Variants in SDK1 observed in about 807,000 individuals in gnomAD.
SDK1 encodes protein sidekick-1.
SDK1 carries 157 observed loss-of-function variants against 245.5 expected under a neutral mutation model. That is an observed-to-expected ratio of 0.64 (90% confidence interval 0.56 to 0.73). The LOEUF is 0.73. Among genes scored for constraint, SDK1 ranks in the 30% least tolerant of loss-of-function variants. The pLI is 0.00. For missense variants in SDK1, 3,583 were observed against 3,002.3 expected (o/e 1.19, Z -4.52); for synonymous variants, 1,647 against 1,278.5 (o/e 1.29, Z -6.15).
intron 43 of SDK1, among the ~76,000 whole-genome samples, chr7:4,242,883 C>T (rs1273518242): frequency 1.3e-5 from 2 of 152,186 alleles, no homozygotes; most frequent in African/African-American, 2.4e-5. Flanking sequence ...CGGGTGGCGC[C>T]GAGGCACGGG....
intron 2 of SDK1, among the ~76,000 whole-genome samples, chr7:3,624,595 A>G (rs563752986): frequency 1.3e-5 from 2 of 152,352 alleles, no homozygotes; most frequent in South Asian, 2.1e-4. Flanking sequence ...GAAGAATACC[A>G]ACAAATTTTC....
intron 11 of SDK1, 41 bp from the exon 12 acceptor site, chr7:3,971,425 A>G: frequency 7.0e-7 from 1 of 1,432,818 alleles, no homozygotes. Context: ...AAACTGTCAA[A>G]CTTGTCATTT....
intron 1 of SDK1, among the ~76,000 whole-genome samples, chr7:3,340,951 C>G (rs989225695): frequency 6.6e-6 from 1 of 152,114 alleles, no homozygotes; most frequent in African/African-American, 2.4e-5. Flanking sequence ...ATTAACACCA[C>G]TTTTATTCAG....
rs551250688 is a variant in SDK1, at chr7:3,924,684, C to T, written c.848-26239C>T. On this transcript the variant is annotated intron_variant, in intron 5 of 44. Transcript: ENST00000404826. ...ACCTGCAGTCCGTCCGTAGCTTTCCCACAACCCATCCCTCAGAGAGTTCTG... is the reference window on the plus strand; with the variant it reads ...ACCTGCAGTCCGTCCGTAGCTTTCCTACAACCCATCCCTCAGAGAGTTCTG... Among the ~76,000 whole-genome samples, 494 of 152,328 alleles carry T rather than the reference C, an allele frequency of 3.2e-3. 1 individual carries two copies. Among genetic ancestry groups the T allele is most frequent in the Non-Finnish European group, 5.3e-3 (361 of 68,028 alleles).
At chr7:3,349,746 C>A (rs980621150) in intron 1 of SDK1, among the ~76,000 whole-genome samples, 1 of 149,570 alleles carries the variant, frequency 6.7e-6, no homozygotes, top group African/African-American at 2.5e-5. Flanking sequence ...CCTACAGGCA[C>A]CTGCCACCAC....
intron 1 of SDK1, among the ~76,000 whole-genome samples, chr7:3,334,300 T>C (rs1260874043): frequency 1.3e-5 from 2 of 152,228 alleles, no homozygotes; most frequent in Non-Finnish European, 2.9e-5. Context: ...ACTTGTTTGC[T>C]GATGAAAGCA....
chr7:3,969,591 C>T (rs899644753), intron 11 of SDK1, among the ~76,000 whole-genome samples, 167 bp downstream of exon 11: 1 of 152,112 alleles, frequency 6.6e-6, no homozygotes, highest in South Asian at 2.1e-4. Flanking sequence ...ATTAAATTTT[C>T]AATGTCTAAA....
intron 1 of SDK1, among the ~76,000 whole-genome samples, chr7:3,525,747 G>A (rs190237514): frequency 6.6e-6 from 1 of 151,842 alleles, no homozygotes; most frequent in Non-Finnish European, 1.5e-5. Context: ...ATTATTTCCT[G>A]TCTCCATTGT....
At chr7:4,061,820 A>T (rs1185809711) in intron 19 of SDK1, among the ~76,000 whole-genome samples, 1 of 152,008 alleles carries the variant, frequency 6.6e-6, no homozygotes, top group Admixed American at 6.6e-5. Context: ...TGATGAATTC[A>T]TGTCCTTTGT....
At chr7:3,754,532 C>T (rs1223307451) in intron 4 of SDK1, among the ~76,000 whole-genome samples, 2 of 148,680 alleles carry the variant, frequency 1.3e-5, no homozygotes, top group Non-Finnish European at 2.9e-5. Context: ...AAAAGTTTTA[C>T]TCCAAAAGTT....
chr7:4,175,584 G>A (rs549567979), intron 33 of SDK1, among the ~76,000 whole-genome samples, 191 bp from the exon 34 acceptor site: 5 of 152,342 alleles, frequency 3.3e-5, no homozygotes, highest in South Asian at 2.1e-4. Flanking sequence ...GAGGAGGTGC[G>A]GCAGCCCCCG....
intron 1 of SDK1, among the ~76,000 whole-genome samples, chr7:3,512,651 G>C (rs1035087885): frequency 1.1e-4 from 17 of 152,146 alleles, no homozygotes; most frequent in Non-Finnish European, 2.1e-4. Flanking sequence ...CCATTCTAGT[G>C]ATATGTTGTT....
Position 4,051,663 on chromosome 7 carries a change from C to T in SDK1, c.2744C>T (p.Pro915Leu), listed in dbSNP as rs768699771. ...CTTCTGGCATGGCCGGCAGATGCCC[C>T]CGAGGCTGTCACTGTGGTCACTATT... ...YKLLAWPADA[P>L]EAVTVVTIAP... The change falls in exon 19 of 45, where the codon CCC becomes CTC. Residue 915 changes from proline (P) to leucine (L), a missense_variant. Physicochemically the swap from Pro to Leu is moderately conservative, Grantham distance 98. Transcript: ENST00000404826. 3 of 1,612,512 alleles carry T rather than the reference C, an allele frequency of 1.9e-6. No homozygotes were observed. The highest frequency in any genetic ancestry group is 2.2e-5 in the South Asian group (2 of 90,676).
At chr7:3,846,803 T>C (rs190327515) in intron 5 of SDK1, among the ~76,000 whole-genome samples, 1 of 152,010 alleles carries the variant, frequency 6.6e-6, no homozygotes, top group Non-Finnish European at 1.5e-5. Flanking sequence ...GGAGATCCCC[T>C]TCTCCTCCCG....
intron 1 of SDK1, among the ~76,000 whole-genome samples, chr7:3,611,340 T>C (rs954738343): frequency 2.0e-5 from 3 of 152,314 alleles, no homozygotes; most frequent in African/African-American, 7.2e-5. Flanking sequence ...CATTCGTTTA[T>C]GTCCTTTTTC....
chr7:4,176,693 G>A (rs1020013397), intron 34 of SDK1, among the ~76,000 whole-genome samples: 1 of 152,120 alleles, frequency 6.6e-6, no homozygotes, highest in African/African-American at 2.4e-5. Flanking sequence ...CTGTCTCGAC[G>A]GATTTGACGA....
Position 3,951,835 on chromosome 7 carries a change from G to T in SDK1, c.1065G>T (p.Ala355=), listed in dbSNP as rs769886680. The T allele has an allele frequency of 1.9e-6, 3 of 1,613,818 alleles. No homozygotes were observed. Among genetic ancestry groups the T allele is most frequent in the Non-Finnish European group, 1.7e-6 (2 of 1,180,028 alleles). Residue 355 remains alanine (A), a synonymous_variant, in exon 7 of 45, where the codon GCG becomes GCT. Transcript: ENST00000404826. ...TCACCATCAGCAACCCGACGTCCGC[G>T]GACACCGGGCCATACGTCTGCGAGG... is the stretch of plus-strand genomic sequence containing the variant. ...RRLTISNPTS[A]DTGPYVCEAA...
intron 35 of SDK1, among the ~76,000 whole-genome samples, chr7:4,184,964 C>A (rs915882024): frequency 1.3e-5 from 2 of 152,194 alleles, no homozygotes; most frequent in African/African-American, 4.8e-5. Flanking sequence ...CAGAGAGCTT[C>A]CCTTTTCTGC....
intron 4 of SDK1, among the ~76,000 whole-genome samples, chr7:3,659,558 G>A (rs908647251): frequency 4.6e-5 from 7 of 152,268 alleles, no homozygotes; most frequent in Middle Eastern, 3.4e-3. Flanking sequence ...TACATTCTCC[G>A]AGGAGAGTGG....
Sources: allele counts gnomAD v4.1 joint callset (sites outside exome capture counted in the v4.1 genomes callset), GRCh38; gene constraint gnomAD v4.1.1; transcripts MANE v1.5; gene names NCBI Gene and HGNC (gene_info 2026-07-23, HGNC 2026-07-21).